The following CRPPA variants were observed in gnomAD, a reference collection of about 807,000 sequenced individuals.
The protein encoded by CRPPA is CDP-L-ribitol pyrophosphorylase A, also known as D-ribitol-5-phosphate cytidylyltransferase.
A neutral mutation model predicts 52.0 loss-of-function variants in CRPPA; 43 were observed. The ratio of observed to expected loss-of-function variants is 0.83; its 90% CI spans 0.65 to 1.07. The LOEUF (loss-of-function observed/expected upper bound fraction) is 1.07, where lower values mean the gene tolerates loss of function less well. CRPPA is among the 50% of genes least tolerant of loss of function. CRPPA has a pLI of 0.00. For synonymous variants in CRPPA, 250 were observed against 203.5 expected, an observed-to-expected ratio of 1.23 and a Z score of -1.94; for missense variants, 629 against 551.7, an observed-to-expected ratio of 1.14 and a Z score of -1.40.
intron 9 of CRPPA, among the ~76,000 whole-genome samples, chr7:16,165,072 C>T (rs984354615): frequency 2.0e-5 from 3 of 152,186 alleles, no homozygotes; most frequent in South Asian, 2.1e-4. Flanking sequence ...CAGGTAGGAA[C>T]GTTTAAGTCT....
chr7:16,368,028 T>C (rs1488865155), intron 3 of CRPPA, among the ~76,000 whole-genome samples: 2 of 152,218 alleles, frequency 1.3e-5, no homozygotes, highest in Non-Finnish European at 2.9e-5. Context: ...ATTCTCTATG[T>C]ACAAAAACCT....
chr7:16,417,551 T>C (rs952482339), intron 1 of CRPPA, among the ~76,000 whole-genome samples: 1 of 152,056 alleles, frequency 6.6e-6, no homozygotes, highest in African/African-American at 2.4e-5. Context: ...AGAAAACCAA[T>C]TACCACAAGT....
intron 9 of CRPPA, among the ~76,000 whole-genome samples, chr7:16,179,816 A>C (rs1781375735): frequency 6.6e-6 from 1 of 152,142 alleles, no homozygotes; most frequent in African/African-American, 2.4e-5. Flanking sequence ...TGTCTGCAGA[A>C]GTCTTTTCTT....
intron 2 of CRPPA, among the ~76,000 whole-genome samples, chr7:16,396,131 C>T (rs1787562540): frequency 6.6e-6 from 1 of 152,178 alleles, no homozygotes; most frequent in Non-Finnish European, 1.5e-5. Context: ...GAAGACAATA[C>T]TATGGTATCC....
intron 3 of CRPPA, among the ~76,000 whole-genome samples, chr7:16,321,535 CT>C (rs1406223439): frequency 6.6e-6 from 1 of 152,094 alleles, no homozygotes. Context: ...CATTACAATG[CT>C]GTTGGCCATA....
intron 2 of CRPPA, among the ~76,000 whole-genome samples, chr7:16,403,713 G>T (rs959040947): frequency 1.3e-5 from 2 of 152,100 alleles, no homozygotes; most frequent in Admixed American, 6.6e-5. Flanking sequence ...CATAGTGCCT[G>T]GAGTTAACTG....
intron 8 of CRPPA, among the ~76,000 whole-genome samples, chr7:16,256,729 C>G (rs1783650702): frequency 6.6e-6 from 1 of 151,976 alleles, no homozygotes; most frequent in Non-Finnish European, 1.5e-5. Context: ...CACATGGACA[C>G]AAGGAGGGGA....
chr7:16,331,482 A>G (rs569878161), intron 3 of CRPPA, among the ~76,000 whole-genome samples: 28 of 152,330 alleles, frequency 1.8e-4, no homozygotes, highest in African/African-American at 6.7e-4. Context: ...GAAGGCCAAA[A>G]AACACAGAAA....
chr7:16,101,287 C>CT (rs1421860883), intron 9 of CRPPA, among the ~76,000 whole-genome samples: 3 of 152,062 alleles, frequency 2.0e-5, no homozygotes, highest in African/African-American at 2.4e-5. Context: ...TGGTCCTGGG[C>CT]TTTTTTTGGT....
At chr7:16,275,445 G>A (rs1279049872) in intron 6 of CRPPA, among the ~76,000 whole-genome samples, 1 of 152,158 alleles carries the variant, frequency 6.6e-6, no homozygotes, top group Non-Finnish European at 1.5e-5. Context: ...AGGAATAAAG[G>A]AAAGAGAAAG....
At chr7:16,091,844 G>T (rs1583349079) in intron 9 of CRPPA, 45 bp from the exon 10 acceptor site, 3 of 1,164,054 alleles carry the variant, frequency 2.6e-6, no homozygotes, top group East Asian at 2.8e-5. Context: ...AAAAACATAT[G>T]CCATGTGTTA....
At chr7:16,194,967 TC>T (rs1781698196) in intron 9 of CRPPA, among the ~76,000 whole-genome samples, 1 of 151,880 alleles carries the variant, frequency 6.6e-6, no homozygotes, top group African/African-American at 2.4e-5. Flanking sequence ...TTGAAACAAT[TC>T]CCCAGATCAT....
intron 9 of CRPPA, among the ~76,000 whole-genome samples, chr7:16,154,209 G>A (rs951978362): frequency 2.0e-5 from 3 of 151,892 alleles, no homozygotes; most frequent in Non-Finnish European, 2.9e-5. Context: ...ATTGAACACT[G>A]AGTAAGTTTT....
At chr7:16,176,591 C>T (rs1195865508) in intron 9 of CRPPA, among the ~76,000 whole-genome samples, 1 of 152,082 alleles carries the variant, frequency 6.6e-6, no homozygotes, top group Non-Finnish European at 1.5e-5. Flanking sequence ...TAAAATTATT[C>T]TGAAAAAGTA....
intron 9 of CRPPA, among the ~76,000 whole-genome samples, chr7:16,172,003 T>C (rs1226244864): frequency 1.3e-5 from 2 of 152,202 alleles, no homozygotes; most frequent in Non-Finnish European, 2.9e-5. Flanking sequence ...TTTCCTCATT[T>C]TCTATTGAAA....
At chr7:16,347,397 C>A (rs1254723987) in intron 3 of CRPPA, among the ~76,000 whole-genome samples, 1 of 152,084 alleles carries the variant, frequency 6.6e-6, no homozygotes, top group Non-Finnish European at 1.5e-5. Flanking sequence ...AAAAAATAAA[C>A]CAAGGACTTG....
In CRPPA at chr7:16,153,188, G is replaced by A. The variant is rs1281416674; in HGVS notation, c.1252-61389C>T. On this transcript the variant is annotated intron_variant, in intron 9 of 9. Coordinates refer to ENST00000407010, the MANE Select transcript of CRPPA (RefSeq NM_001101426.4). ...AAAATTAAAGATTATTACCCTATCA[G>A]AAAGATTCACTGCCAATTTCTTTTC... is the stretch of plus-strand genomic sequence containing the variant. 2.6e-5 allele frequency among the ~76,000 whole-genome samples: 4 copies of A among 151,928 alleles called. No homozygotes were observed. In the East Asian group the frequency reaches 7.7e-4, roughly 29 times the overall value.
intron 9 of CRPPA, among the ~76,000 whole-genome samples, chr7:16,198,648 C>A (rs977225014): frequency 6.7e-6 from 1 of 148,218 alleles, no homozygotes. Context: ...TCCCACCTTA[C>A]GAGAAACACC....
chr7:16,418,919 A>C (rs1788259381), intron 1 of CRPPA, among the ~76,000 whole-genome samples: 1 of 152,174 alleles, frequency 6.6e-6, no homozygotes, highest in African/African-American at 2.4e-5. Flanking sequence ...ATGGGAGAAA[A>C]GTTTAGTGTA....
Sources: gnomAD v4.1 joint callset for allele counts (sites outside exome capture counted in the v4.1 genomes callset) on GRCh38, gnomAD v4.1.1 for gene constraint, MANE v1.5 for transcripts, NCBI Gene and HGNC (gene_info 2026-07-23, HGNC 2026-07-21) for gene names.